LRP5: variants seen among roughly 807,000 people sequenced by gnomAD.
LRP5 encodes the protein LDL receptor related protein 5, also known as low-density lipoprotein receptor-related protein 5.
A neutral mutation model predicts 154.1 loss-of-function variants in LRP5; 62 were observed. That is an observed-to-expected ratio of 0.40 (90% CI 0.33 to 0.50). The LOEUF is 0.50. Ranked by LOEUF, LRP5 falls within the 20% of genes least tolerant of loss-of-function variation. LRP5 has a pLI of 0.55. For missense variants in LRP5, 1,915 were observed against 2,336.7 expected (o/e 0.82, Z 3.72); for synonymous variants, 966 against 1,011.5 (o/e 0.96, Z 0.85).
At chr11:68,389,123 C>CATTTACCAACACTGAA (rs1591264844) in intron 6 of LRP5, among the ~76,000 whole-genome samples, 2 of 152,244 alleles carry the variant, frequency 1.3e-5, no homozygotes, top group African/African-American at 4.8e-5. Flanking sequence ...CCAACACCAA[C>CATTTACCAACACTGAA]ATTTACCGAC....
intron 5 of LRP5, among the ~76,000 whole-genome samples, chr11:68,372,580 C>T (rs944091695): frequency 6.6e-6 from 1 of 151,826 alleles, no homozygotes; most frequent in African/African-American, 2.4e-5. Context: ...AGTGACTTAA[C>T]CTCTCTGTGC....
At chr11:68,338,633 A>C (rs2098607009) in intron 1 of LRP5, among the ~76,000 whole-genome samples, 1 of 152,156 alleles carries the variant, frequency 6.6e-6, no homozygotes, top group South Asian at 2.1e-4. Flanking sequence ...CCAAGAACCC[A>C]CAGCAGAGTG....
At chr11:68,328,162 C>T (rs1029205853) in intron 1 of LRP5, among the ~76,000 whole-genome samples, 14 of 152,178 alleles carry the variant, frequency 9.2e-5, no homozygotes, top group African/African-American at 2.9e-4. Flanking sequence ...TCGCGGAGCC[C>T]GAGGTGGCAT....
At position 68,403,691 on chromosome 11, in the gene LRP5, A is replaced by G. The variant is rs1161765642; in HGVS notation, c.1793A>G (p.Lys598Arg). 1 of 1,613,672 alleles carries G rather than the reference A, an allele frequency of 6.2e-7. No individual in the cohort carries two copies. Among genetic ancestry groups the G allele is most frequent in the East Asian group, 2.2e-5 (1 of 44,872 alleles). ...LMGLKAVNVA[K>R]VVGTNPCADR... ...GGGCTCAAAGCTGTGAATGTGGCCAAGGTCGTCGGTGAGTCCGGGGGGTCC... is the reference window on the plus strand; with the variant it reads ...GGGCTCAAAGCTGTGAATGTGGCCAGGGTCGTCGGTGAGTCCGGGGGGTCC... The change falls in exon 8 of 23, where the codon AAG becomes AGG. Residue 598 changes from lysine to arginine, a missense_variant. Transcript: ENST00000294304.
At chr11:68,365,419 G>C in intron 4 of LRP5, 152 bp from the exon 5 acceptor site, 1 of 1,084,578 alleles carries the variant, frequency 9.2e-7, no homozygotes, top group Non-Finnish European at 1.4e-6. Context: ...AATGGTGCCA[G>C]CGGGGAGGTC....
intron 5 of LRP5, among the ~76,000 whole-genome samples, chr11:68,368,282 C>T (rs1011053362): frequency 2.0e-5 from 3 of 152,238 alleles, no homozygotes; most frequent in East Asian, 3.9e-4. Flanking sequence ...GGATCGGGTA[C>T]GGAACACAGC....
At chr11:68,343,318 C>T (rs1173976892) in intron 1 of LRP5, among the ~76,000 whole-genome samples, 1 of 152,188 alleles carries the variant, frequency 6.6e-6, no homozygotes, top group Non-Finnish European at 1.5e-5. Flanking sequence ...GAGCTGGGTC[C>T]ACCCTGGTAG....
chr11:68,411,513 T>G lies in LRP5; in HGVS notation c.2396T>G (p.Leu799Arg), dbSNP rs1386650282. Residue 799 changes from leucine (L) to arginine (R), a missense_variant, in exon 11 of 23, where the codon CTG (leucine) becomes CGG (arginine). Leu to Arg is a moderately radical substitution (Grantham distance 102). Transcript: ENST00000294304. ...AFMDGTNCMT[L>R]VDKVGRANDL... ...ATGGACGGGACCAACTGCATGACGC[T>G]GGTGGACAAGGTGGGCCGGGCCAAC... is the stretch of plus-strand genomic sequence containing the variant. 1 of 1,613,676 alleles carries G rather than the reference T, an allele frequency of 6.2e-7. No individual in the cohort carries two copies. Among genetic ancestry groups the G allele is most frequent in the Non-Finnish European group, 8.5e-7 (1 of 1,180,052 alleles).
chr11:68,430,701 ATTTG>A (rs2098671411), intron 17 of LRP5, among the ~76,000 whole-genome samples: 1 of 151,954 alleles, frequency 6.6e-6, no homozygotes, highest in African/African-American at 2.4e-5. Flanking sequence ...CTAATGGTGG[ATTTG>A]TTTATTTCTC....
intron 5 of LRP5, among the ~76,000 whole-genome samples, chr11:68,380,159 G>C (rs1478297477): frequency 6.6e-6 from 1 of 152,214 alleles, no homozygotes; most frequent in African/African-American, 2.4e-5. Flanking sequence ...CACGCTTCTT[G>C]TACGAGGGTC....
At chr11:68,304,050 T>C in the LRP5 span, among the ~76,000 whole-genome samples, 11 of 152,266 alleles carry the variant, frequency 7.2e-5, no homozygotes, top group East Asian at 1.3e-3. Context: ...CGACTGCCAA[T>C]AACTGAGACA....
intron 5 of LRP5, among the ~76,000 whole-genome samples, chr11:68,381,572 G>A (rs544319697): frequency 6.6e-6 from 1 of 152,294 alleles, no homozygotes; most frequent in Non-Finnish European, 1.5e-5. Context: ...CAGGGAGGAA[G>A]GGGAGAGGTC....
In LRP5 at chr11:68,409,961, G is replaced by A. The variant is rs34369535; in HGVS notation, c.2139G>A (p.Val713=). 5.6e-4 allele frequency: 908 copies of A among 1,614,058 alleles called. 6 individuals carry two copies. In the African/African-American group the frequency reaches 1.0e-2, roughly 18 times the overall value. ...FMNGSSVEHV[V]EFGLDYPEGM... ...ACGGGAGCTCGGTGGAGCACGTGGT[G>A]GAGTTTGGCCTTGACTACCCCGAGG... is the stretch of plus-strand genomic sequence containing the variant. The change falls in exon 10 of 23, where the codon GTG becomes GTA. Residue 713 remains valine, a synonymous_variant. Transcript: ENST00000294304.
intron 5 of LRP5, among the ~76,000 whole-genome samples, chr11:68,377,829 C>T (rs1007347212): frequency 6.6e-5 from 10 of 152,006 alleles, no homozygotes; most frequent in Non-Finnish European, 1.5e-4. Context: ...CAGCAGAGGC[C>T]GATTCTCAGC....
chr11:68,372,479 T>G (rs1014824387), intron 5 of LRP5, among the ~76,000 whole-genome samples: 5 of 151,504 alleles, frequency 3.3e-5, no homozygotes, highest in Admixed American at 6.6e-5. Flanking sequence ...GGCGAGGAGG[T>G]GCAGTGTCAG....
intron 22 of LRP5, among the ~76,000 whole-genome samples, chr11:68,446,787 G>A (rs2098681671): frequency 5.9e-5 from 9 of 152,188 alleles, no homozygotes; most frequent in Admixed American, 5.9e-4. Context: ...TTGCTCCTAT[G>A]GGGGTTACTT....
Position 68,386,569 on chromosome 11 carries a change from C to T in LRP5, c.1269C>T (p.Val423=), listed in dbSNP as rs377461570. 48 of 1,613,802 alleles carry T rather than the reference C, an allele frequency of 3.0e-5. No individual in the cohort carries two copies. Among genetic ancestry groups the T allele is most frequent in the African/African-American group, 5.3e-5 (4 of 75,018 alleles). Residue 423 remains valine (V), a synonymous_variant, in exon 6 of 23, where the codon GTC becomes GTT. Transcript: ENST00000294304. The surrounding 1 kb of genome is among the most constrained non-coding windows in gnomAD (Gnocchi z 7.9). The stretch of plus-strand genomic sequence containing the variant: ...TCAACGACCCCGATGGCATCGCGGT[C>T]GACTGGGTGGCCCGAAACCTCTACT... ...TEINDPDGIA[V]DWVARNLYWT...
At chr11:68,433,409 G>T (rs2098673024) in intron 17 of LRP5, among the ~76,000 whole-genome samples, 193 bp from the exon 18 acceptor site, 1 of 152,218 alleles carries the variant, frequency 6.6e-6, no homozygotes, top group South Asian at 2.1e-4. Context: ...CTCTCTTCTG[G>T]GTTGGGGCTG....
upstream of LRP5, among the ~76,000 whole-genome samples, chr11:68,307,668 A>G (rs957402136): frequency 2.0e-5 from 3 of 152,062 alleles, no homozygotes; most frequent in African/African-American, 7.2e-5. Flanking sequence ...AAAAGAAAAA[A>G]TTATCCAGGT....
Sources: gnomAD v4.1 joint callset for allele counts (sites outside exome capture counted in the v4.1 genomes callset) on GRCh38, gnomAD v4.1.1 for gene constraint, Gnocchi (gnomAD v3.1) non-coding constraint, MANE v1.5 for transcripts, NCBI Gene and HGNC (gene_info 2026-07-23, HGNC 2026-07-21) for gene names.